The following S100A13 variants were observed in gnomAD, a reference collection of about 807,000 sequenced individuals.
S100A13 encodes the protein protein S100-A13.
A neutral mutation model predicts 8.2 loss-of-function variants in S100A13; 6 were observed. The observed-to-expected ratio is 0.73, with a 90% confidence interval of 0.40 to 1.44. The LOEUF (loss-of-function observed/expected upper bound fraction) is 1.44, where lower values mean the gene tolerates loss of function less well. Among genes scored for constraint, S100A13 ranks in the 40% most tolerant of loss-of-function variants. The pLI is 0.02. For missense variants in S100A13, 114 were observed against 113.6 expected (o/e 1.00, Z -0.02); for synonymous variants, 39 against 45.9 (o/e 0.85, Z 0.61).
intron 2 of S100A13, among the ~76,000 whole-genome samples, chr1:153,624,321 CG>C (rs1255962170): frequency 2.6e-5 from 4 of 151,934 alleles, no homozygotes; most frequent in African/African-American, 9.7e-5. Context: ...ATTGTCTGTG[CG>C]GATGCTGAAG....
At chr1:153,626,239 C>T (rs1044585762) in intron 2 of S100A13, 81 bp downstream of exon 2, 23 of 1,309,172 alleles carry the variant, frequency 1.8e-5, no homozygotes, top group Non-Finnish European at 2.2e-5. Flanking sequence ...GTCACCTCAC[C>T]GTACTCGGCA....
chr1:153,630,245 C>T, upstream of S100A13: 1 of 497,032 alleles, frequency 2.0e-6, no homozygotes, highest in Non-Finnish European at 3.5e-6. Flanking sequence ...GCCAGCCCAG[C>T]TCCAACTGCT....
upstream of S100A13, among the ~76,000 whole-genome samples, chr1:153,632,698 G>A (rs1233613439): frequency 1.3e-5 from 2 of 151,896 alleles, no homozygotes; most frequent in Admixed American, 1.3e-4. Flanking sequence ...AAGGATGCTG[G>A]GCCATTACTT....
chr1:153,622,706 T>C (rs1296707721), intron 2 of S100A13, among the ~76,000 whole-genome samples: 1 of 152,232 alleles, frequency 6.6e-6, no homozygotes, highest in East Asian at 1.9e-4. Flanking sequence ...GAATGGGGAC[T>C]GTGTTTTCTC....
chr1:153,623,257 G>C (rs1448686167), intron 2 of S100A13, among the ~76,000 whole-genome samples: 1 of 152,094 alleles, frequency 6.6e-6, no homozygotes, highest in Non-Finnish European at 1.5e-5. Context: ...TGGGTGAGAG[G>C]GGATGGGATC....
upstream of S100A13, chr1:153,627,855 A>G: frequency 1.6e-6 from 1 of 626,906 alleles, no homozygotes; most frequent in South Asian, 2.0e-5. Flanking sequence ...CAACACTGAG[A>G]GGCCCAATCT....
In S100A13 at chr1:153,625,451, C is replaced by T. The variant is rs540978829; in HGVS notation, c.153+869G>A. ...AAGACCTGACTCCAGCCTGTGAGTG[C>T]GAGAGAAGGAATGACTCTTACACCC... On this transcript the variant is annotated intron_variant, in intron 2 of 2. Coordinates refer to ENST00000476133, the MANE Select transcript of S100A13 (RefSeq NM_001024211.2). Among the ~76,000 whole-genome samples, 15 of 152,312 alleles carry T rather than the reference C, an allele frequency of 9.8e-5. No individual in the cohort carries two copies. The South Asian group carries it at 1.5e-3, about 15-fold the overall frequency.
upstream of S100A13, chr1:153,633,903 G>T (rs1668185506): frequency 6.8e-6 from 1 of 146,598 alleles, no homozygotes; most frequent in Admixed American, 6.6e-5. Flanking sequence ...CACGCCCCTA[G>T]GGGCGGGGCA....
chr1:153,622,963 G>A (rs1667365313), intron 2 of S100A13, among the ~76,000 whole-genome samples: 1 of 152,168 alleles, frequency 6.6e-6, no homozygotes. Context: ...GGTGGCACAT[G>A]CCTGTAGTCC....
chr1:153,631,831 A>G (rs1668028128), upstream of S100A13: 3 of 1,613,842 alleles, frequency 1.9e-6, no homozygotes, highest in Non-Finnish European at 2.5e-6. Context: ...TTCTTCTGGG[A>G]GAACAGTTGA....
chr1:153,632,266 CTTTTTT>C (rs397863604), upstream of S100A13: 3 of 91,844 alleles, frequency 3.3e-5, no homozygotes, highest in Non-Finnish European at 2.0e-5. Context: ...AAGAAATAAT[CTTTTTT>C]TTTTTTTTTT....
chr1:153,618,847 C>G lies in S100A13; in HGVS notation c.*48G>C. 1 of 1,590,142 alleles carries G rather than the reference C, an allele frequency of 6.3e-7. No individual in the cohort carries two copies. The highest frequency in any genetic ancestry group is 1.1e-5 in the South Asian group (1 of 89,614). ...TATTTGGGAAGAGTGCGGTTCTGCT[C>G]GGCCCTGATCAGCTCTGCCCTGCCC... On this transcript the variant is annotated 3_prime_UTR_variant, in exon 3 of 3. Coordinates refer to ENST00000476133, the MANE Select transcript of S100A13 (RefSeq NM_001024211.2).
At chr1:153,626,757 T>C (rs1448100359) in intron 1 of S100A13, 1 of 350,144 alleles carries the variant, frequency 2.9e-6, no homozygotes, top group Non-Finnish European at 5.3e-6. Flanking sequence ...CCCTCTTCTG[T>C]AGGTCTCACA....
Position 153,626,519 on chromosome 1 carries a change from T to G in S100A13, c.-47A>C. 1 of 1,599,568 alleles carries G rather than the reference T, an allele frequency of 6.3e-7. No homozygotes were observed. Among genetic ancestry groups the G allele is most frequent in the Non-Finnish European group, 8.6e-7 (1 of 1,168,222 alleles). On this transcript the variant is annotated 5_prime_UTR_variant, in exon 2 of 3. Coordinates refer to ENST00000476133, the MANE Select transcript of S100A13 (RefSeq NM_001024211.2). ...GATGTCCTCAAGGGGCTAGCTGACC[T>G]TTGTCAGGGCTGACCTGTGGAAGAG... is the stretch of plus-strand genomic sequence containing the variant.
upstream of S100A13, chr1:153,633,865 G>A (rs1668179910): frequency 6.6e-6 from 1 of 152,300 alleles, no homozygotes; most frequent in Non-Finnish European, 1.5e-5. Flanking sequence ...TGAAGTCCCC[G>A]GCACGCCCCA....
upstream of S100A13, chr1:153,628,631 G>A (rs1215521095): frequency 2.1e-6 from 3 of 1,399,644 alleles, no homozygotes; most frequent in East Asian, 2.5e-5. Context: ...GTCAGGGTGA[G>A]GGCAGTTTGG....
intron 2 of S100A13, among the ~76,000 whole-genome samples, chr1:153,622,875 C>T (rs1253812213): frequency 6.6e-6 from 1 of 152,176 alleles, no homozygotes; most frequent in Non-Finnish European, 1.5e-5. Context: ...CACACAGTAT[C>T]TTTGCTTACC....
At position 153,626,513 on chromosome 1, in the gene S100A13, C is replaced by A; in HGVS notation, c.-41G>T. The A allele has an allele frequency of 6.2e-7, 1 of 1,606,390 alleles. No homozygotes were observed. The highest frequency in any genetic ancestry group is 8.5e-7 in the Non-Finnish European group (1 of 1,174,020). On this transcript the variant is annotated 5_prime_UTR_variant, in exon 2 of 3. Transcript: ENST00000476133. ...AAAGCTGATGTCCTCAAGGGGCTAG[C>A]TGACCTTTGTCAGGGCTGACCTGTG... is the stretch of plus-strand genomic sequence containing the variant.
At chr1:153,630,258 C>T (rs1272956260), upstream of S100A13, 4 of 507,506 alleles carry the variant, frequency 7.9e-6, no homozygotes, top group Non-Finnish European at 6.9e-6. Flanking sequence ...CAACTGCTCT[C>T]TCTCCATGCC....
Sources: gnomAD v4.1 joint callset for allele counts (sites outside exome capture counted in the v4.1 genomes callset) on GRCh38, gnomAD v4.1.1 for gene constraint, MANE v1.5 for transcripts, NCBI Gene and HGNC (gene_info 2026-07-23, HGNC 2026-07-21) for gene names.